Variants in FBLN5 observed in about 807,000 individuals in gnomAD.
FBLN5 encodes the protein fibulin-5.
A neutral mutation model predicts 61.6 loss-of-function variants in FBLN5; 24 were observed. The ratio of observed to expected loss-of-function variants is 0.39; its 90% CI spans 0.28 to 0.55. FBLN5 has a LOEUF of 0.55. Ranked by LOEUF, FBLN5 falls within the 20% of genes least tolerant of loss-of-function variation. The pLI is 0.65. For missense variants in FBLN5, 470 were observed against 594.1 expected (o/e 0.79, Z 2.17); for synonymous variants, 213 against 219.8 (o/e 0.97, Z 0.27).
chr14:91,912,296 A>G (rs1474790025), intron 4 of FBLN5, among the ~76,000 whole-genome samples: 2 of 152,188 alleles, frequency 1.3e-5, no homozygotes, highest in African/African-American at 4.8e-5. Context: ...CAGGAGTTAG[A>G]GACCAGCCTG....
intron 4 of FBLN5, among the ~76,000 whole-genome samples, chr14:91,931,877 G>A (rs2055930391): frequency 6.6e-6 from 1 of 152,166 alleles, no homozygotes; most frequent in Admixed American, 6.5e-5. Flanking sequence ...TCCACATCTT[G>A]GGTGCCCCAG....
Position 91,870,237 on chromosome 14 carries a change from T to G in FBLN5, c.1334A>C (p.Gln445Pro), listed in dbSNP as rs1172692991. 6.2e-7 allele frequency: 1 copy of G among 1,614,248 alleles called. No individual in the cohort carries two copies. The highest frequency in any genetic ancestry group is 1.1e-5 in the South Asian group (1 of 91,088). Residue 445 changes from glutamine (Q) to proline (P), a missense_variant, in exon 11 of 11, where the codon CAG (glutamine) becomes CCG (proline). By Grantham distance (76) the Gln-to-Pro change is moderately conservative. Transcript: ENST00000342058. Reference protein sequence around the residue: ...SVIRLRIYVSQYPF With the variant: ...SVIRLRIYVSPYPF ...CCAGCCCGAGGCTCAGAATGGGTAC[T>G]GCGACACATATATCCGCAGTCGGAT...
At chr14:91,872,915 G>C (rs538229641) in intron 10 of FBLN5, among the ~76,000 whole-genome samples, 15 of 152,314 alleles carry the variant, frequency 9.8e-5, no homozygotes, top group African/African-American at 3.6e-4. Flanking sequence ...CCCTCCAGAG[G>C]GAGATCTGCA....
chr14:91,943,071 A>T lies in FBLN5; in HGVS notation c.18-110T>A. The T allele has an allele frequency of 1.3e-6, 1 of 771,572 alleles. No homozygotes were observed. Among genetic ancestry groups the T allele is most frequent in the Non-Finnish European group, 2.3e-6 (1 of 437,726 alleles). 47.8% of individuals were successfully genotyped at this position (771,572 alleles called of 1,614,324 possible). Reference sequence around the variant, plus strand: ...AACGGTGATATCACCTTGGGCTTGTATGGGGTGGGGTGTGCTCCAGGGAGG... The same window carrying T: ...AACGGTGATATCACCTTGGGCTTGTTTGGGGTGGGGTGTGCTCCAGGGAGG... On this transcript the variant is annotated intron_variant, in intron 1 of 10. Transcript: ENST00000342058. This position sits in a 1 kb window ranked among gnomAD's most constrained non-coding sequence, Gnocchi z 4.0.
intron 6 of FBLN5, among the ~76,000 whole-genome samples, chr14:91,888,191 C>T (rs967707695): frequency 1.1e-4 from 17 of 151,672 alleles, no homozygotes; most frequent in African/African-American, 3.4e-4. Context: ...CCCAGCTACC[C>T]GGGAGGCTGA....
At chr14:91,919,390 AAAGGAAGGAAGGAAGGAAGGAAGG>A (rs3031540) in intron 4 of FBLN5, among the ~76,000 whole-genome samples, 2 of 99,514 alleles carry the variant, frequency 2.0e-5, no homozygotes, top group South Asian at 3.7e-4. Context: ...AGAAAGAAAG[AAAGGAAGGAAGGAAGGAAGGAAGG>A]AAGGAAGGAA....
rs368917947 is a variant in FBLN5, at chr14:91,940,634, G to A, written c.73-18C>T. 14 of 1,612,098 alleles carry A rather than the reference G, an allele frequency of 8.7e-6. No individual in the cohort carries two copies. The highest frequency in any genetic ancestry group is 1.6e-4 in the Middle Eastern group (1 of 6,082). Reference sequence around the variant, plus strand: ...CACTGTGCCTGCAGGGAAGGAGAGAGGAGAAACAGGCAAGGTCATTTCACA... The same window carrying A: ...CACTGTGCCTGCAGGGAAGGAGAGAAGAGAAACAGGCAAGGTCATTTCACA... On this transcript the variant is annotated intron_variant, in intron 2 of 10. Transcript: ENST00000342058.
chr14:91,871,221 T>TA (rs55903830), intron 10 of FBLN5, among the ~76,000 whole-genome samples: 5,127 of 137,880 alleles, frequency 0.037, 190 homozygotes, highest in African/African-American at 0.078. Flanking sequence ...ATCAGTAATT[T>TA]AAAAAAAAAA....
At chr14:91,914,532 T>C (rs914810951) in intron 4 of FBLN5, among the ~76,000 whole-genome samples, 1 of 133,418 alleles carries the variant, frequency 7.5e-6, no homozygotes, top group African/African-American at 2.8e-5. Context: ...GTATAGTACA[T>C]ACCTGTGGTC....
intron 1 of FBLN5, chr14:91,946,832 C>A (rs2056192722): frequency 1.3e-6 from 2 of 1,526,342 alleles, no homozygotes; most frequent in Non-Finnish European, 1.7e-6. Flanking sequence ...GTCTATCAGC[C>A]GATGCGGCGC....
At chr14:91,901,727 G>A (rs1020695620) in intron 4 of FBLN5, among the ~76,000 whole-genome samples, 1 of 152,160 alleles carries the variant, frequency 6.6e-6, no homozygotes, top group Non-Finnish European at 1.5e-5. Context: ...TGTGTCTTAC[G>A]GTCCTGGCCA....
intron 5 of FBLN5, among the ~76,000 whole-genome samples, chr14:91,892,326 C>A (rs955837547): frequency 6.6e-6 from 1 of 152,116 alleles, no homozygotes; most frequent in African/African-American, 2.4e-5. Flanking sequence ...GGTCCTTATC[C>A]CCACCTCCCC....
chr14:91,891,031 C>T (rs1423914683), intron 6 of FBLN5, among the ~76,000 whole-genome samples, 190 bp downstream of exon 6: 5 of 152,204 alleles, frequency 3.3e-5, no homozygotes, highest in Non-Finnish European at 7.3e-5. Flanking sequence ...ATTCAGAGCA[C>T]TTTTTGAGAT....
chr14:91,940,449 G>A (rs1035884853), intron 3 of FBLN5, 116 bp downstream of exon 3: 2 of 886,838 alleles, frequency 2.3e-6, no homozygotes, highest in Non-Finnish European at 3.7e-6. Flanking sequence ...GTCATTCCAT[G>A]TCACTGTATT....
intron 4 of FBLN5, among the ~76,000 whole-genome samples, chr14:91,907,657 G>A (rs1890738173): frequency 6.6e-6 from 1 of 151,842 alleles, no homozygotes; most frequent in Non-Finnish European, 1.5e-5. Flanking sequence ...GCCAAGCAAA[G>A]GAAGCAAAAG....
At chr14:91,930,524 G>A (rs193245308) in intron 4 of FBLN5, among the ~76,000 whole-genome samples, 56 of 152,248 alleles carry the variant, frequency 3.7e-4, no homozygotes, top group African/African-American at 1.3e-3. Context: ...TCGGTTTCAT[G>A]GTTTCACGCA....
At chr14:91,937,285 G>T in intron 3 of FBLN5, 84 bp from the exon 4 acceptor site, 1 of 1,575,798 alleles carries the variant, frequency 6.3e-7, no homozygotes. Context: ...TCGGTACCAG[G>T]CGTGGAGGAA....
intron 4 of FBLN5, among the ~76,000 whole-genome samples, chr14:91,916,066 T>C (rs1042531401): frequency 1.3e-5 from 2 of 152,212 alleles, no homozygotes; most frequent in Non-Finnish European, 2.9e-5. Flanking sequence ...CCAAAGATAA[T>C]GATGGTTACA....
At chr14:91,946,294 A>C (rs200502216) in intron 1 of FBLN5, among the ~76,000 whole-genome samples, 1 of 145,952 alleles carries the variant, frequency 6.9e-6, no homozygotes, top group African/African-American at 2.6e-5. Flanking sequence ...AAAAAAAAAA[A>C]CCCTGGAAAC....
Sources: gnomAD v4.1 joint callset for allele counts (sites outside exome capture counted in the v4.1 genomes callset) on GRCh38, gnomAD v4.1.1 for gene constraint, Gnocchi (gnomAD v3.1) non-coding constraint, MANE v1.5 for transcripts, NCBI Gene and HGNC (gene_info 2026-07-23, HGNC 2026-07-21) for gene names.